Variants in KLF8 observed in about 807,000 individuals in gnomAD.
KLF8 encodes KLF transcription factor 8.
A neutral mutation model predicts 18.2 loss-of-function variants in KLF8; 10 were observed. The ratio of observed to expected loss-of-function variants is 0.55; its 90% CI spans 0.34 to 0.93. The LOEUF (loss-of-function observed/expected upper bound fraction) is 0.93. Among genes scored for constraint, KLF8 ranks in the 40% least tolerant of loss-of-function variants. The pLI is 0.02. For synonymous variants in KLF8, 109 were observed against 97.3 expected (o/e 1.12, Z -0.71); for missense variants, 264 against 277.9 (o/e 0.95, Z 0.36).
chrX:56,067,989 T>A, the KLF8 span, among the ~76,000 whole-genome samples: 1 of 111,955 alleles, frequency 8.9e-6, no homozygotes, highest in Non-Finnish European at 1.9e-5. Context: ...GGCCAGCTAT[T>A]TCACCCACCT....
chrX:55,983,598 A>G, the KLF8 span, among the ~76,000 whole-genome samples: 1 of 112,316 alleles, frequency 8.9e-6, no homozygotes, highest in Non-Finnish European at 1.9e-5. Flanking sequence ...TTTGTGGTTG[A>G]TAATAACTTC....
At chrX:56,213,442 C>G in the KLF8 span, among the ~76,000 whole-genome samples, 1 of 103,580 alleles carries the variant, frequency 9.7e-6, no homozygotes, top group Admixed American at 1.1e-4. Context: ...CTGCCTCAGG[C>G]TCCTGAATAG....
intron 2 of KLF8, among the ~76,000 whole-genome samples, chrX:56,251,883 A>G (rs2066719686): frequency 8.9e-6 from 1 of 111,973 alleles, no homozygotes; most frequent in Non-Finnish European, 1.9e-5. Context: ...CCATCCCTGC[A>G]GCATTTATCC....
At chrX:56,243,403 G>C (rs182966849) in intron 1 of KLF8, 45 of 256,451 alleles carry the variant, frequency 1.8e-4, no homozygotes, top group Non-Finnish European at 2.9e-4. Flanking sequence ...TTCCCTTTCC[G>C]CGCCATCTTA....
chrX:55,918,171 A>G, the KLF8 span, among the ~76,000 whole-genome samples: 4 of 112,065 alleles, frequency 3.6e-5, no homozygotes, highest in Non-Finnish European at 7.5e-5. Context: ...TTCCCATAGC[A>G]CTAGACTCAG....
chrX:56,072,536 G>A, the KLF8 span, among the ~76,000 whole-genome samples: 1 of 111,195 alleles, frequency 9.0e-6, no homozygotes, highest in East Asian at 2.8e-4. Flanking sequence ...TAATGTTGTG[G>A]CCATTATATC....
chrX:56,027,691 A>T, the KLF8 span, among the ~76,000 whole-genome samples: 1 of 112,228 alleles, frequency 8.9e-6, no homozygotes, highest in Non-Finnish European at 1.9e-5. Flanking sequence ...CCGTCTACGT[A>T]TAACTCCCAG....
chrX:56,005,264 G>T, the KLF8 span, among the ~76,000 whole-genome samples: 9 of 110,760 alleles, frequency 8.1e-5, no homozygotes, highest in Non-Finnish European at 1.3e-4. Context: ...CTTCTGCACT[G>T]TAGGCACCAA....
the KLF8 span, among the ~76,000 whole-genome samples, chrX:56,198,204 T>A: frequency 8.9e-6 from 1 of 112,113 alleles, no homozygotes; most frequent in Admixed American, 9.5e-5. Flanking sequence ...CTCTCAGCAG[T>A]CCTATTCAAC....
the KLF8 span, among the ~76,000 whole-genome samples, chrX:56,029,705 G>T: frequency 9.0e-6 from 1 of 111,522 alleles, no homozygotes; most frequent in Non-Finnish European, 1.9e-5. Flanking sequence ...TTTTAGTTGG[G>T]GACATTTATC....
At chrX:56,266,894 T>G in intron 3 of KLF8, 2 of 754,159 alleles carry the variant, frequency 2.7e-6, no homozygotes, top group Non-Finnish European at 3.1e-6. Flanking sequence ...TCTGCACTGG[T>G]CTTCTGAATA....
rs2067254984 is a variant in KLF8, at chrX:56,285,184, T to G, written c.*690T>G. 8.9e-6 allele frequency: 1 copy of G among 112,396 alleles called. No homozygotes were observed. Among genetic ancestry groups the G allele is most frequent in the Non-Finnish European group, 1.9e-5 (1 of 53,308 alleles). The allele number at this position is 112,396 out of a possible 1,213,427, so 9.3% of individuals were successfully genotyped here. On this transcript the variant is annotated 3_prime_UTR_variant, in exon 6 of 6. Transcript: ENST00000468660. ...TCTTGTCCTTCTCCTCCTCTTTTTT[T>G]TCTTTTCCACTTTCTCCTTCAGGAT...
At chrX:56,154,969 G>A in the KLF8 span, among the ~76,000 whole-genome samples, 6 of 112,064 alleles carry the variant, frequency 5.4e-5, no homozygotes, top group Non-Finnish European at 1.1e-4. Context: ...GTGCTGGAGA[G>A]GATGTGGAGA....
the KLF8 span, chrX:55,908,693 C>T: frequency 1.7e-5 from 5 of 285,755 alleles, no homozygotes; most frequent in Middle Eastern, 3.6e-3. Flanking sequence ...GTGTGTAGTC[C>T]GAGGGAGTGA....
chrX:56,290,583 G>A lies in KLF8; in HGVS notation c.*6089G>A, dbSNP rs2067312804. ...GTAGGCAAAATTCATTGCTTCAGAA[G>A]CTGTATTCTTCCCCCTTTGTAACTC... On this transcript the variant is annotated 3_prime_UTR_variant, in exon 6 of 6. Coordinates refer to ENST00000468660, the MANE Select transcript of KLF8 (RefSeq NM_007250.5). Among the ~76,000 whole-genome samples, 1 of 111,799 alleles carries A rather than the reference G, an allele frequency of 8.9e-6. No individual in the cohort carries two copies. Among genetic ancestry groups the A allele is most frequent in the Non-Finnish European group, 1.9e-5 (1 of 53,157 alleles).
At chrX:56,223,711 T>G in the KLF8 span, among the ~76,000 whole-genome samples, 1 of 112,050 alleles carries the variant, frequency 8.9e-6, no homozygotes, top group Non-Finnish European at 1.9e-5. Flanking sequence ...AATGTGATTA[T>G]TATTACTAAG....
the KLF8 span, among the ~76,000 whole-genome samples, chrX:56,103,922 G>A: frequency 9.0e-6 from 1 of 110,900 alleles, no homozygotes; most frequent in African/African-American, 3.3e-5. Flanking sequence ...TTAGCATGAA[G>A]GGCTGTTGAA....
At chrX:56,207,630 T>C in the KLF8 span, among the ~76,000 whole-genome samples, 9 of 111,482 alleles carry the variant, frequency 8.1e-5, no homozygotes, top group East Asian at 2.0e-3. Flanking sequence ...GCTTGGACTT[T>C]ATTGCCCATA....
At chrX:55,972,883 A>C in the KLF8 span, among the ~76,000 whole-genome samples, 2 of 112,228 alleles carry the variant, frequency 1.8e-5, no homozygotes, top group Non-Finnish European at 3.8e-5. Flanking sequence ...GTCATATTGA[A>C]CCAACAAAGA....
Sources: allele counts gnomAD v4.1 joint callset (sites outside exome capture counted in the v4.1 genomes callset), GRCh38; gene constraint gnomAD v4.1.1; transcripts MANE v1.5; gene names NCBI Gene and HGNC (gene_info 2026-07-23, HGNC 2026-07-21).